ERCC8: variants seen among roughly 807,000 people sequenced by gnomAD.
ERCC8 encodes the protein DNA excision repair protein ERCC-8.
A neutral mutation model predicts 54.9 loss-of-function variants in ERCC8; 52 were observed. That is an observed-to-expected ratio of 0.95 (90% confidence interval 0.76 to 1.19). ERCC8 has a LOEUF of 1.19. Among genes scored for constraint, ERCC8 ranks in the 50% most tolerant of loss-of-function variants. The pLI is 0.00. For missense variants in ERCC8, 514 were observed against 466.1 expected, an observed-to-expected ratio of 1.10 and a Z score of -0.95; for synonymous variants, 146 against 157.2, an observed-to-expected ratio of 0.93 and a Z score of 0.53.
At chr5:60,884,740 A>C (rs1748346620) in intron 11 of ERCC8, among the ~76,000 whole-genome samples, 1 of 152,094 alleles carries the variant, frequency 6.6e-6, no homozygotes, top group South Asian at 2.1e-4. Flanking sequence ...GGAATGCTTC[A>C]AACTAAAATT....
intron 1 of ERCC8, among the ~76,000 whole-genome samples, chr5:60,943,494 G>A (rs1750325851): frequency 6.6e-6 from 1 of 152,102 alleles, no homozygotes. Flanking sequence ...AAAGTCTATG[G>A]GTGATTGGTC....
At chr5:60,901,475 A>T (rs1057451481) in intron 7 of ERCC8, among the ~76,000 whole-genome samples, 2 of 152,002 alleles carry the variant, frequency 1.3e-5, no homozygotes, top group African/African-American at 4.8e-5. Context: ...TTCCAGATCC[A>T]TACTATCTTT....
chr5:60,938,036 CATACAT>C (rs1750122592), intron 1 of ERCC8, among the ~76,000 whole-genome samples: 2 of 15,000 alleles, frequency 1.3e-4, no homozygotes, highest in African/African-American at 3.3e-4. Context: ...TACATACATA[CATACAT>C]ACATACATAT....
intron 1 of ERCC8, among the ~76,000 whole-genome samples, chr5:60,938,008 C>CATGT (rs1554075732): frequency 8.1e-6 from 1 of 124,056 alleles, no homozygotes; most frequent in African/African-American, 3.1e-5. Context: ...AATATGTATG[C>CATGT]GTGTGTGTGT....
At chr5:60,881,813 G>A (rs183266103) in intron 11 of ERCC8, among the ~76,000 whole-genome samples, 110 of 152,314 alleles carry the variant, frequency 7.2e-4, no homozygotes, top group Non-Finnish European at 1.1e-3. Flanking sequence ...CTTCCCAGGT[G>A]AGGCGATGCC....
At position 60,903,717 on chromosome 5, in the gene ERCC8, C is replaced by A. The variant is rs916988854; in HGVS notation, c.482-1G>T. 1 of 1,612,136 alleles carries A rather than the reference C, an allele frequency of 6.2e-7. No individual in the cohort carries two copies. Among genetic ancestry groups the A allele is most frequent in the African/African-American group, 1.3e-5 (1 of 74,834 alleles). On this transcript the variant is annotated splice_acceptor_variant, in intron 5 of 11. Coordinates refer to ENST00000676185, the MANE Select transcript of ERCC8 (RefSeq NM_000082.4). LOFTEE classifies it high-confidence loss of function. ...TGTACTTTGGGTCCTCTAGTACCAACTGTAAAAACAGAACCGGTTTAAGAT... is the reference window on the plus strand; with the variant it reads ...TGTACTTTGGGTCCTCTAGTACCAAATGTAAAAACAGAACCGGTTTAAGAT...
Position 60,872,881 on chromosome 5 carries a change from T to C in ERCC8, c.*1734A>G, listed in dbSNP as rs35834422. 5.7e-3 allele frequency among the ~76,000 whole-genome samples: 866 copies of C among 152,348 alleles called. 8 individuals are homozygous for C. Among genetic ancestry groups the C allele is most frequent in the South Asian group, 0.037 (180 of 4,830 alleles). On this transcript the variant is annotated 3_prime_UTR_variant, in exon 12 of 12. Transcript: ENST00000676185. ...TGCACTACCAGGTTCACTGCAGCAT[T>C]ATTCACAATAGCCAGGATATGGTAT...
chr5:60,911,471 T>C (rs1749258812), intron 4 of ERCC8, among the ~76,000 whole-genome samples: 1 of 152,018 alleles, frequency 6.6e-6, no homozygotes, highest in South Asian at 2.1e-4. Context: ...GTTTAAGTTC[T>C]TTGTAGACTC....
intron 2 of ERCC8, among the ~76,000 whole-genome samples, chr5:60,927,710 G>A (rs958342879): frequency 2.0e-5 from 3 of 152,118 alleles, no homozygotes; most frequent in Non-Finnish European, 4.4e-5. Flanking sequence ...ATCTCCTGCT[G>A]CTCATGTCTG....
intron 4 of ERCC8, among the ~76,000 whole-genome samples, chr5:60,906,076 C>T (rs993135215): frequency 2.0e-5 from 3 of 152,258 alleles, no homozygotes; most frequent in Admixed American, 2.0e-4. Context: ...TCAGGTTCTA[C>T]AGTTGTGATG....
intron 4 of ERCC8, among the ~76,000 whole-genome samples, chr5:60,905,741 T>C (rs1027383547): frequency 6.6e-6 from 1 of 152,178 alleles, no homozygotes; most frequent in African/African-American, 2.4e-5. Flanking sequence ...AACCATGGCA[T>C]TGTAGTAAAG....
At chr5:60,909,944 G>C (rs1561506851) in intron 4 of ERCC8, 1 of 150,382 alleles carries the variant, frequency 6.6e-6, no homozygotes, top group Admixed American at 6.6e-5. Context: ...ATGGGTGACA[G>C]AGCGAGACTC....
At position 60,881,618 on chromosome 5, in the gene ERCC8, T is replaced by C. The variant is rs373823905; in HGVS notation, c.1122+5822A>G. ...GCAGTTTGATCTCAGACTGCTGTGC[T>C]AGCAATGGGCGAGGCTCTGTGGGCG... On this transcript the variant is annotated intron_variant, in intron 11 of 11. Coordinates refer to ENST00000676185, the MANE Select transcript of ERCC8 (RefSeq NM_000082.4). 5.3e-4 allele frequency among the ~76,000 whole-genome samples: 81 copies of C among 152,306 alleles called. 1 individual carries two copies. The East Asian group carries it at 0.013, about 24-fold the overall frequency.
chr5:60,899,752 G>A (rs1748821713), intron 7 of ERCC8, 25 bp from the exon 8 acceptor site: 9 of 1,516,702 alleles, frequency 5.9e-6, no homozygotes, highest in Non-Finnish European at 8.2e-6. Flanking sequence ...ATGTTACATT[G>A]ACATATGTAG....
intron 1 of ERCC8, among the ~76,000 whole-genome samples, 197 bp downstream of exon 1, chr5:60,944,735 C>CG (rs70977816): frequency 2.1e-5 from 3 of 140,226 alleles, no homozygotes; most frequent in Admixed American, 2.1e-4. Flanking sequence ...GAACCCCCCC[C>CG]ACCCCCGCCG....
At chr5:60,883,488 T>C (rs764967895) in intron 11 of ERCC8, among the ~76,000 whole-genome samples, 38 of 152,168 alleles carry the variant, frequency 2.5e-4, no homozygotes, top group African/African-American at 6.0e-4. Context: ...TACTGACAGA[T>C]AGTGTCAATG....
chr5:60,934,986 A>G (rs1003889401), intron 1 of ERCC8, among the ~76,000 whole-genome samples: 2 of 152,194 alleles, frequency 1.3e-5, no homozygotes, highest in Non-Finnish European at 2.9e-5. Context: ...TATAGTTTGA[A>G]GAAGGGTAAG....
chr5:60,892,074 G>A, intron 9 of ERCC8: 2 of 530,614 alleles, frequency 3.8e-6, no homozygotes, highest in Non-Finnish European at 7.6e-6. Context: ...CCTGTTGTAG[G>A]GGGTCCATCT....
intron 7 of ERCC8, among the ~76,000 whole-genome samples, chr5:60,901,431 C>A (rs984605167): frequency 2.6e-5 from 4 of 151,866 alleles, no homozygotes; most frequent in Non-Finnish European, 4.4e-5. Flanking sequence ...TCCTATGGGC[C>A]CTTAATCAGC....
Sources: gnomAD v4.1 joint callset for allele counts (sites outside exome capture counted in the v4.1 genomes callset) on GRCh38, gnomAD v4.1.1 for gene constraint, MANE v1.5 for transcripts, NCBI Gene and HGNC (gene_info 2026-07-23, HGNC 2026-07-21) for gene names.